PYHIN1: variants seen among roughly 807,000 people sequenced by gnomAD.
The protein encoded by PYHIN1 is pyrin and HIN domain-containing protein 1.
A neutral mutation model predicts 43.7 loss-of-function variants in PYHIN1; 32 were observed. The ratio of observed to expected loss-of-function variants is 0.73; its 90% CI spans 0.55 to 0.98. The LOEUF (loss-of-function observed/expected upper bound fraction) is 0.98, where lower values mean the gene tolerates loss of function less well. PYHIN1 is among the 50% of genes least tolerant of loss of function. The probability of loss-of-function intolerance (pLI) is 0.00; values close to 1 mark genes in which losing one functional copy is unlikely to be tolerated. For synonymous variants in PYHIN1, 205 were observed against 203.1 expected (o/e 1.01, Z -0.08); for missense variants, 588 against 589.5 (o/e 1.00, Z 0.03).
chr1:158,981,616 G>T (rs950971077), downstream of PYHIN1, among the ~76,000 whole-genome samples: 1 of 152,162 alleles, frequency 6.6e-6, no homozygotes, highest in African/African-American at 2.4e-5. Context: ...AGTTATTTGA[G>T]AAATCTCCAA....
intron 8 of PYHIN1, among the ~76,000 whole-genome samples, chr1:158,974,590 G>C (rs1309963439): frequency 1.3e-5 from 2 of 152,028 alleles, no homozygotes; most frequent in Non-Finnish European, 2.9e-5. Context: ...GAAAGAGAAA[G>C]GCAAGAGGAG....
Position 158,973,684 on chromosome 1 carries a change from C to T in PYHIN1, c.1397C>T (p.Ala466Val), listed in dbSNP as rs1459796017. The T allele has an allele frequency of 1.2e-6, 2 of 1,613,000 alleles. No homozygotes were observed. Among genetic ancestry groups the T allele is most frequent in the East Asian group, 2.2e-5 (1 of 44,864 alleles). Residue 466 changes from alanine (A) to valine (V), a missense_variant, in exon 8 of 9, where the codon GCA becomes GTA. Coordinates refer to ENST00000368140, the MANE Select transcript of PYHIN1 (RefSeq NM_152501.5). ...ETHPGAQSSP[A>V]NFRITSPTVA... ...CACCCAGGAGCACAGTCATCGCCTG[C>T]AAACTTTAGAATCACCTCACCAACT...
At chr1:158,975,281 T>C (rs887929179) in intron 8 of PYHIN1, among the ~76,000 whole-genome samples, 1 of 152,120 alleles carries the variant, frequency 6.6e-6, no homozygotes, top group African/African-American at 2.4e-5. Context: ...TCTATGCTTT[T>C]GGATTTAAAG....
intron 7 of PYHIN1, among the ~76,000 whole-genome samples, chr1:158,963,671 T>G (rs763513857): frequency 7.9e-5 from 12 of 152,186 alleles, no homozygotes; most frequent in Non-Finnish European, 1.6e-4. Flanking sequence ...CAAAAATATT[T>G]TGCTAATATA....
At chr1:158,980,596 C>T (rs1651452250), downstream of PYHIN1, among the ~76,000 whole-genome samples, 1 of 152,026 alleles carries the variant, frequency 6.6e-6, no homozygotes, top group African/African-American at 2.4e-5. Flanking sequence ...CTGAGATACA[C>T]CCTGGTCTCC....
In PYHIN1 at chr1:158,957,004, A is replaced by G. The variant is rs1482946779; in HGVS notation, c.1359+11962A>G. Reference sequence around the variant, plus strand: ...AATCATGAGTGAACTCTCATTCACAATTGCTTCAAAGAGAATAAAATACCT... The same window carrying G: ...AATCATGAGTGAACTCTCATTCACAGTTGCTTCAAAGAGAATAAAATACCT... On this transcript the variant is annotated intron_variant, in intron 7 of 8. Transcript: ENST00000368140. Among the ~76,000 whole-genome samples, 3 of 146,892 alleles carry G rather than the reference A, an allele frequency of 2.0e-5. No homozygotes were observed. The East Asian group carries it at 5.9e-4, about 29-fold the overall frequency.
chr1:158,973,508 C>CAA (rs1158902810), intron 7 of PYHIN1, 139 bp from the exon 8 acceptor site: 1 of 546,290 alleles, frequency 1.8e-6, no homozygotes, highest in Admixed American at 3.5e-5. Context: ...GGGATTTTCA[C>CAA]ACACACACAC....
At chr1:158,966,002 A>G (rs1171094607) in intron 7 of PYHIN1, among the ~76,000 whole-genome samples, 1 of 152,104 alleles carries the variant, frequency 6.6e-6, no homozygotes. Context: ...CTAAAAAAAG[A>G]GACAAGATCT....
At chr1:158,972,967 A>T (rs1000924984) in intron 7 of PYHIN1, among the ~76,000 whole-genome samples, 2 of 152,136 alleles carry the variant, frequency 1.3e-5, no homozygotes, top group Non-Finnish European at 2.9e-5. Flanking sequence ...ATCTGTGTGT[A>T]TGAAATCCTA....
intron 1 of PYHIN1, among the ~76,000 whole-genome samples, chr1:158,932,000 G>A (rs1228445030): frequency 6.6e-6 from 1 of 152,178 alleles, no homozygotes; most frequent in Non-Finnish European, 1.5e-5. Flanking sequence ...GGGCATGAAT[G>A]AAGGAATATG....
At chr1:158,946,861 A>C (rs1295359321) in intron 7 of PYHIN1, among the ~76,000 whole-genome samples, 1 of 152,206 alleles carries the variant, frequency 6.6e-6, no homozygotes, top group Admixed American at 6.5e-5. Flanking sequence ...ATTATTGACC[A>C]GAAAAAAATA....
At chr1:158,987,825 C>T in the PYHIN1 span, among the ~76,000 whole-genome samples, 1 of 152,034 alleles carries the variant, frequency 6.6e-6, no homozygotes, top group African/African-American at 2.4e-5. Flanking sequence ...AGCTGCAATA[C>T]CTGTGGATTT....
At chr1:158,950,257 AG>A (rs1649455781) in intron 7 of PYHIN1, among the ~76,000 whole-genome samples, 1 of 152,358 alleles carries the variant, frequency 6.6e-6, no homozygotes, top group Admixed American at 6.5e-5. Flanking sequence ...TACAACAGAA[AG>A]CATAGCAAGA....
At chr1:158,974,543 A>G (rs986061984) in intron 8 of PYHIN1, among the ~76,000 whole-genome samples, 1 of 151,978 alleles carries the variant, frequency 6.6e-6, no homozygotes, top group East Asian at 1.9e-4. Context: ...CACCTAGGGA[A>G]CAGAAGACTA....
chr1:158,963,136 G>A (rs557600245), intron 7 of PYHIN1, among the ~76,000 whole-genome samples: 2 of 152,258 alleles, frequency 1.3e-5, no homozygotes, highest in East Asian at 3.9e-4. Flanking sequence ...TCTCTCTGAG[G>A]TGCAGCTCCC....
chr1:158,952,416 T>A (rs1420586996), intron 7 of PYHIN1, among the ~76,000 whole-genome samples: 2 of 152,106 alleles, frequency 1.3e-5, no homozygotes, highest in Non-Finnish European at 1.5e-5. Flanking sequence ...GCCTCGTTGA[T>A]CTTGCATTAC....
intron 7 of PYHIN1, among the ~76,000 whole-genome samples, chr1:158,947,310 G>A (rs888881731): frequency 2.6e-5 from 4 of 151,990 alleles, no homozygotes; most frequent in Non-Finnish European, 4.4e-5. Flanking sequence ...GAGATTGTGG[G>A]GATATAGCCA....
chr1:158,974,707 T>C (rs1298590670), intron 8 of PYHIN1, among the ~76,000 whole-genome samples: 1 of 152,036 alleles, frequency 6.6e-6, no homozygotes, highest in Non-Finnish European at 1.5e-5. Flanking sequence ...TTTTGGTTTG[T>C]TTATGTTTTT....
chr1:158,965,325 C>A (rs1030243501), intron 7 of PYHIN1, among the ~76,000 whole-genome samples: 1 of 151,758 alleles, frequency 6.6e-6, no homozygotes, highest in Admixed American at 6.6e-5. Flanking sequence ...AGTATTAGAT[C>A]GATCATTCAG....
Sources: allele counts gnomAD v4.1 joint callset (sites outside exome capture counted in the v4.1 genomes callset), GRCh38; gene constraint gnomAD v4.1.1; transcripts MANE v1.5; gene names NCBI Gene and HGNC (gene_info 2026-07-23, HGNC 2026-07-21).